CAPN8: variants seen among roughly 807,000 people sequenced by gnomAD.
The protein encoded by CAPN8 is calpain 8.
CAPN8 carries 87 observed loss-of-function variants against 80.9 expected under a neutral mutation model. The observed-to-expected ratio is 1.07, with a 90% CI of 0.90 to 1.28. The LOEUF (loss-of-function observed/expected upper bound fraction) is 1.28, where lower values mean the gene tolerates loss of function less well. Ranked by LOEUF, CAPN8 falls within the 50% of genes most tolerant of loss-of-function variation. The pLI is 0.00. For missense variants in CAPN8, 757 were observed against 702.0 expected (o/e 1.08, Z -0.89); for synonymous variants, 299 against 273.8 (o/e 1.09, Z -0.91).
intron 16 of CAPN8, among the ~76,000 whole-genome samples, chr1:223,547,475 A>T (rs1338123655): frequency 6.6e-6 from 1 of 152,208 alleles, no homozygotes; most frequent in Admixed American, 6.5e-5. Flanking sequence ...GGGGAAATGG[A>T]GAGCGACTGG....
chr1:223,542,628 G>A (rs563716382), intron 20 of CAPN8, among the ~76,000 whole-genome samples: 13 of 152,258 alleles, frequency 8.5e-5, no homozygotes, highest in East Asian at 3.9e-4. Flanking sequence ...GGCCTCTGTC[G>A]TACAGGGGTG....
At chr1:223,550,754 G>A (rs926793447) in intron 15 of CAPN8, among the ~76,000 whole-genome samples, 2 of 151,880 alleles carry the variant, frequency 1.3e-5, no homozygotes, top group African/African-American at 2.4e-5. Context: ...CACCAGCCCC[G>A]CCTTCACCTC....
At chr1:223,550,930 C>T (rs2102690751) in intron 15 of CAPN8, 30 bp downstream of exon 15, 1 of 716,908 alleles carries the variant, frequency 1.4e-6, no homozygotes, top group Non-Finnish European at 2.6e-6. Context: ...CTCCTACGGA[C>T]TTTCTGAAAG....
Position 223,619,410 on chromosome 1 carries a change from T to A in CAPN8, c.1018A>T (p.Ile340Phe), listed in dbSNP as rs373951019. 43 of 1,551,414 alleles carry A rather than the reference T, an allele frequency of 2.8e-5. 1 individual carries two copies. Among genetic ancestry groups the A allele is most frequent in the East Asian group, 2.2e-4 (9 of 40,918 alleles). The change falls in exon 9 of 21, where the codon ATC (isoleucine) becomes TTC (phenylalanine). Residue 340 changes from isoleucine (I) to phenylalanine (F), a missense_variant. Transcript: ENST00000366872. ...AGAGAGTCCGGGGACAGGTTGCAGATCTCCAACCGAGAGAACTGCCTCACG... is the reference window on the plus strand; with the variant it reads ...AGAGAGTCCGGGGACAGGTTGCAGAACTCCAACCGAGAGAACTGCCTCACG... ...DFVRQFSRLE[I>F]CNLSPDSLSS...
chr1:223,553,249 G>A (rs994937483), intron 14 of CAPN8, among the ~76,000 whole-genome samples: 3 of 152,172 alleles, frequency 2.0e-5, no homozygotes, highest in South Asian at 2.1e-4. Context: ...CAAAGTGAAC[G>A]GAAGCCAGGG....
intron 9 of CAPN8, chr1:223,617,418 T>A (rs1657229884): frequency 6.6e-6 from 1 of 152,074 alleles, no homozygotes; most frequent in African/African-American, 2.4e-5. Context: ...AAAAAAAATC[T>A]GTAATCGCCT....
Position 223,543,164 on chromosome 1 carries a change from G to A in CAPN8, c.2032C>T (p.Leu678=). ...CMIRLETLFK[L]FSLLDEDKDG... ...TTGTCTTCGTCCAGAAGGCTGAATA[G>A]TTCTAAAACACCAGAGAAGGAAATG... Residue 678 remains leucine (L), a splice_region_variant and synonymous_variant, in exon 20 of 21, where the codon CTA becomes TTA. Transcript: ENST00000366872. The A allele has an allele frequency of 1.3e-6, 2 of 1,551,636 alleles. No homozygotes were observed. Among genetic ancestry groups the A allele is most frequent in the Non-Finnish European group, 1.7e-6 (2 of 1,146,948 alleles).
chr1:223,648,199 T>A (rs1658240611), intron 2 of CAPN8, among the ~76,000 whole-genome samples: 1 of 152,084 alleles, frequency 6.6e-6, no homozygotes. Flanking sequence ...GACCCAAGAT[T>A]GAGGGAAACG....
intron 2 of CAPN8, among the ~76,000 whole-genome samples, chr1:223,643,863 C>T (rs1463111220): frequency 6.6e-6 from 1 of 152,212 alleles, no homozygotes; most frequent in Admixed American, 6.5e-5. Context: ...CCGTCCTAAC[C>T]TGCTTGCCGA....
In CAPN8 at chr1:223,654,308, A is replaced by G. The variant is rs1270194881; in HGVS notation, c.307+22T>C. On this transcript the variant is annotated intron_variant, in intron 2 of 20. Transcript: ENST00000366872. ...ACACCCGCCCTCTCCCAAAACAAATAAGACTCTCCCCAGTTACTCACCTAG... is the reference window on the plus strand; with the variant it reads ...ACACCCGCCCTCTCCCAAAACAAATGAGACTCTCCCCAGTTACTCACCTAG... 4 of 1,550,426 alleles carry G rather than the reference A, an allele frequency of 2.6e-6. No homozygotes were observed. In the Admixed American group the frequency reaches 7.8e-5, roughly 30 times the overall value.
At chr1:223,651,932 C>T (rs550188724) in intron 2 of CAPN8, among the ~76,000 whole-genome samples, 4 of 152,166 alleles carry the variant, frequency 2.6e-5, no homozygotes, top group African/African-American at 4.8e-5. Flanking sequence ...CAAAGAAACA[C>T]GGAGGGAATT....
chr1:223,549,490 C>T (rs557592720), intron 15 of CAPN8, 108 bp from the exon 16 acceptor site: 87 of 1,509,486 alleles, frequency 5.8e-5, no homozygotes, highest in Admixed American at 3.3e-4. Context: ...GGTGTGGAAC[C>T]GAACTTGGTC....
intron 1 of CAPN8, among the ~76,000 whole-genome samples, chr1:223,657,641 C>T (rs1658535527): frequency 6.6e-6 from 1 of 152,128 alleles, no homozygotes; most frequent in Admixed American, 6.5e-5. Flanking sequence ...GTGGTGAGTG[C>T]CTGTAGTCCC....
At chr1:223,662,737 T>C (rs1475441095) in intron 1 of CAPN8, among the ~76,000 whole-genome samples, 1 of 152,170 alleles carries the variant, frequency 6.6e-6, no homozygotes. Context: ...ATGCACCACA[T>C]TTCTGGATAC....
chr1:223,543,196 G>C (rs955727198), intron 19 of CAPN8, 30 bp from the exon 20 acceptor site: 6 of 1,550,840 alleles, frequency 3.9e-6, no homozygotes, highest in Non-Finnish European at 5.2e-6. Context: ...AATGAAATTA[G>C]ATAAGGCTGT....
intron 2 of CAPN8, among the ~76,000 whole-genome samples, chr1:223,631,311 A>T (rs77252047): frequency 0.022 from 3,313 of 152,170 alleles, 117 homozygotes; most frequent in African/African-American, 0.075. Flanking sequence ...GAGTTATCAC[A>T]AGCTGCCTCA....
At chr1:223,545,059 G>C in intron 17 of CAPN8, 172 bp downstream of exon 17, 1 of 1,390,186 alleles carries the variant, frequency 7.2e-7, no homozygotes, top group Non-Finnish European at 9.7e-7. Context: ...TTTCAGGGCA[G>C]TGGTTGGCAT....
chr1:223,543,232 G>A (rs1392616714), intron 19 of CAPN8, 66 bp from the exon 20 acceptor site: 8 of 1,524,446 alleles, frequency 5.2e-6, no homozygotes, highest in Non-Finnish European at 6.2e-6. Flanking sequence ...CAATCAGAGA[G>A]CTGCCTCTGT....
At chr1:223,623,109 A>C (rs1470555402) in intron 6 of CAPN8, among the ~76,000 whole-genome samples, 2 of 152,248 alleles carry the variant, frequency 1.3e-5, no homozygotes, top group Non-Finnish European at 2.9e-5. Context: ...AATTTGTTTG[A>C]ATAAATGAAG....
Sources: gnomAD v4.1 joint callset for allele counts (sites outside exome capture counted in the v4.1 genomes callset) on GRCh38, gnomAD v4.1.1 for gene constraint, MANE v1.5 for transcripts, NCBI Gene and HGNC (gene_info 2026-07-23, HGNC 2026-07-21) for gene names.